LINGO2: variants seen among roughly 807,000 people sequenced by gnomAD.
LINGO2 encodes leucine rich repeat and Ig domain containing 2.
In LINGO2, 14 loss-of-function variants were observed where a neutral mutation model predicts 30.6. The ratio of observed to expected loss-of-function variants is 0.46; its 90% CI spans 0.30 to 0.72. LINGO2 has a LOEUF of 0.72. Ranked by LOEUF, LINGO2 falls within the 30% of genes least tolerant of loss-of-function variation. LINGO2 has a pLI of 0.07. For missense variants in LINGO2, 729 were observed against 751.7 expected, an observed-to-expected ratio of 0.97 and a Z score of 0.35; for synonymous variants, 317 against 288.5, an observed-to-expected ratio of 1.10 and a Z score of -1.00.
the LINGO2 span, among the ~76,000 whole-genome samples, chr9:29,128,371 C>A: frequency 6.6e-6 from 1 of 152,108 alleles, no homozygotes; most frequent in Non-Finnish European, 1.5e-5. Flanking sequence ...ACCTCACTCC[C>A]CACTTGGCTG....
chr9:29,086,016 A>G, the LINGO2 span, among the ~76,000 whole-genome samples: 1 of 152,130 alleles, frequency 6.6e-6, no homozygotes, highest in Non-Finnish European at 1.5e-5. Context: ...TGGAAGATAT[A>G]AAGAAAGCTC....
exon 4 of LINGO2, chr9:28,295,277 T>G (rs1823881902): frequency 6.6e-6 from 1 of 152,582 alleles, no homozygotes; most frequent in Admixed American, 6.6e-5. Flanking sequence ...CTGGGTGAAA[T>G]CCAAGCTGGG....
chr9:28,618,695 C>T (rs1307964681), intron 1 of LINGO2, among the ~76,000 whole-genome samples: 2 of 152,056 alleles, frequency 1.3e-5, no homozygotes, highest in Non-Finnish European at 1.5e-5. Flanking sequence ...AATGTTCATC[C>T]TTTTTGTCCT....
At chr9:28,772,407 A>G in the LINGO2 span, among the ~76,000 whole-genome samples, 1 of 152,186 alleles carries the variant, frequency 6.6e-6, no homozygotes, top group Non-Finnish European at 1.5e-5. Context: ...CCAGAAAGGA[A>G]ATTCTGCAGC....
At chr9:28,575,581 C>T (rs1823932778) in intron 1 of LINGO2, among the ~76,000 whole-genome samples, 1 of 151,928 alleles carries the variant, frequency 6.6e-6, no homozygotes, top group South Asian at 2.1e-4. Flanking sequence ...GAAAAACTAA[C>T]TTTTGTATAC....
chr9:28,326,101 G>T (rs558018485), intron 3 of LINGO2, among the ~76,000 whole-genome samples: 8 of 152,170 alleles, frequency 5.3e-5, no homozygotes, highest in Non-Finnish European at 8.8e-5. Context: ...CCGCCTCCTG[G>T]GTTCAAGCGA....
At chr9:28,620,050 A>AG (rs71338342) in intron 1 of LINGO2, among the ~76,000 whole-genome samples, 29 of 152,112 alleles carry the variant, frequency 1.9e-4, no homozygotes, top group Non-Finnish European at 3.8e-4. Context: ...ACAGCCATGT[A>AG]ACCACACTAT....
At chr9:29,202,459 A>G in the LINGO2 span, among the ~76,000 whole-genome samples, 136 of 152,150 alleles carry the variant, frequency 8.9e-4, no homozygotes, top group African/African-American at 3.1e-3. Flanking sequence ...TTGAGTATAA[A>G]TTAATAATTA....
intron 1 of LINGO2, among the ~76,000 whole-genome samples, chr9:28,552,905 T>G (rs572656987): frequency 6.6e-6 from 1 of 151,958 alleles, no homozygotes; most frequent in Non-Finnish European, 1.5e-5. Context: ...AAAATCTGTG[T>G]TCTTGTTTTC....
At chr9:28,642,711 T>A (rs4584231) in intron 1 of LINGO2, among the ~76,000 whole-genome samples, 55,990 of 151,946 alleles carry the variant, frequency 0.37, 11,538 homozygotes, top group African/African-American at 0.54. Context: ...ATATGACAAG[T>A]GGCTTATGAC....
At chr9:28,138,502 A>T (rs1374505612) in intron 4 of LINGO2, among the ~76,000 whole-genome samples, 1 of 152,190 alleles carries the variant, frequency 6.6e-6, no homozygotes, top group South Asian at 2.1e-4. Context: ...CACTTTTCAT[A>T]TTTGAATCTA....
chr9:28,038,285 C>CCT (rs938533147), intron 4 of LINGO2, among the ~76,000 whole-genome samples: 28 of 152,148 alleles, frequency 1.8e-4, no homozygotes, highest in African/African-American at 6.7e-4. Flanking sequence ...CCAGAAGGGG[C>CCT]CTCTAATGAG....
chr9:28,302,663 C>T (rs1241824648), intron 3 of LINGO2, among the ~76,000 whole-genome samples: 2 of 152,074 alleles, frequency 1.3e-5, no homozygotes, highest in African/African-American at 4.8e-5. Flanking sequence ...TGAGTGAGAA[C>T]CTGTCTCAAA....
At chr9:28,997,787 C>G in the LINGO2 span, among the ~76,000 whole-genome samples, 1 of 151,668 alleles carries the variant, frequency 6.6e-6, no homozygotes. Context: ...CGTGCCACTG[C>G]ACTCCAGCCT....
chr9:28,101,147 A>T (rs1392684111), intron 4 of LINGO2, among the ~76,000 whole-genome samples: 7 of 152,114 alleles, frequency 4.6e-5, no homozygotes, highest in African/African-American at 1.7e-4. Context: ...AAGCTATGAG[A>T]CAAAGAGAGA....
intron 1 of LINGO2, among the ~76,000 whole-genome samples, chr9:28,632,869 TATATATATATGTAGAGAGAGAGAGAG>T (rs1563879089): frequency 9.0e-6 from 1 of 111,006 alleles, no homozygotes; most frequent in East Asian, 2.6e-4. Context: ...TATATATATA[TATATATATATGTAGAGAGAGAGAGAG>T]AGAGAGAGAG....
intron 4 of LINGO2, among the ~76,000 whole-genome samples, chr9:28,196,392 G>A (rs1000427237): frequency 2.6e-5 from 4 of 151,716 alleles, no homozygotes; most frequent in Admixed American, 6.6e-5. Flanking sequence ...AGTAATAAGA[G>A]ACTCATGAAA....
intron 4 of LINGO2, among the ~76,000 whole-genome samples, chr9:28,241,031 G>A (rs1468476085): frequency 6.6e-6 from 1 of 152,002 alleles, no homozygotes; most frequent in African/African-American, 2.4e-5. Flanking sequence ...AACACTTTGG[G>A]AGGCCAAGGC....
At chr9:28,947,315 G>C in the LINGO2 span, among the ~76,000 whole-genome samples, 2 of 152,050 alleles carry the variant, frequency 1.3e-5, no homozygotes, top group Non-Finnish European at 2.9e-5. Context: ...ATTCATCCAA[G>C]GAGGCAGCAT....
Sources: allele counts gnomAD v4.1 joint callset (sites outside exome capture counted in the v4.1 genomes callset), GRCh38; gene constraint gnomAD v4.1.1; transcripts MANE v1.5; gene names NCBI Gene and HGNC (gene_info 2026-07-23, HGNC 2026-07-21).